Variants in DMXL1 observed in about 807,000 individuals in gnomAD.
DMXL1 encodes the protein Dmx like 1, also known as dmX-like protein 1.
DMXL1 carries 99 observed loss-of-function variants against 319.2 expected under a neutral mutation model. The observed-to-expected ratio is 0.31, with a 90% CI of 0.26 to 0.37. The LOEUF is 0.37. Ranked by LOEUF, DMXL1 falls within the 10% of genes least tolerant of loss-of-function variation. The pLI is 1.00. For synonymous variants in DMXL1, 1,385 were observed against 1,235.2 expected (o/e 1.12, Z -2.54); for missense variants, 3,745 against 3,595.6 (o/e 1.04, Z -1.06).
intron 38 of DMXL1, among the ~76,000 whole-genome samples, chr5:119,231,623 A>T (rs1786744087): frequency 6.6e-6 from 1 of 152,228 alleles, no homozygotes; most frequent in Non-Finnish European, 1.5e-5. Flanking sequence ...TACATTAAAA[A>T]TTTAATGAGT....
At chr5:119,169,102 C>T (rs1261691266) in intron 23 of DMXL1, among the ~76,000 whole-genome samples, 21 of 152,014 alleles carry the variant, frequency 1.4e-4, no homozygotes, top group Admixed American at 1.3e-3. Flanking sequence ...TGGGGTTTCA[C>T]CATGTTGCCC....
chr5:119,202,757 A>G (rs897256584), intron 32 of DMXL1, among the ~76,000 whole-genome samples: 18 of 151,134 alleles, frequency 1.2e-4, no homozygotes, highest in Admixed American at 2.0e-4. Flanking sequence ...AGGCTGAGGC[A>G]GGAGAATCGC....
intron 13 of DMXL1, among the ~76,000 whole-genome samples, chr5:119,139,934 C>A (rs907927033): frequency 6.6e-6 from 1 of 152,158 alleles, no homozygotes; most frequent in Non-Finnish European, 1.5e-5. Flanking sequence ...TGTTGGACCA[C>A]AGTGCAATAA....
chr5:119,132,416 C>G (rs1373600184), intron 10 of DMXL1, among the ~76,000 whole-genome samples: 1 of 152,142 alleles, frequency 6.6e-6, no homozygotes, highest in Non-Finnish European at 1.5e-5. Flanking sequence ...CACAGTGGCT[C>G]ACGCCTGTAA....
At chr5:119,128,217 C>A in intron 9 of DMXL1, 1 of 406,562 alleles carries the variant, frequency 2.5e-6, no homozygotes. Context: ...AATCTGGATA[C>A]TCTGGAGAAT....
At chr5:119,233,171 A>G (rs1787100394) in intron 38 of DMXL1, among the ~76,000 whole-genome samples, 169 bp from the exon 39 acceptor site, 2 of 152,214 alleles carry the variant, frequency 1.3e-5, no homozygotes, top group South Asian at 4.1e-4. Flanking sequence ...AGTGTATTGT[A>G]TAACTATTTT....
At chr5:119,244,749 T>A (rs1321946840) in intron 43 of DMXL1, among the ~76,000 whole-genome samples, 173 bp downstream of exon 43, 1 of 152,206 alleles carries the variant, frequency 6.6e-6, no homozygotes, top group African/African-American at 2.4e-5. Context: ...AACTTGAAAA[T>A]TTTCTATTTT....
chr5:119,107,313 C>T (rs971451442), intron 4 of DMXL1, among the ~76,000 whole-genome samples: 1 of 151,622 alleles, frequency 6.6e-6, no homozygotes, highest in African/African-American at 2.4e-5. Context: ...TGCTTTCTAG[C>T]CTGGGTGACA....
intron 1 of DMXL1, among the ~76,000 whole-genome samples, chr5:119,084,924 A>G (rs963215621): frequency 2.0e-5 from 3 of 151,942 alleles, no homozygotes; most frequent in East Asian, 1.9e-4. Flanking sequence ...AACAATATTA[A>G]TTCTTCCAAT....
chr5:119,071,410 C>T lies in DMXL1; in HGVS notation c.-160C>T, dbSNP rs530978070. 3 of 682,244 alleles carry T rather than the reference C, an allele frequency of 4.4e-6. No homozygotes were observed. Among genetic ancestry groups the T allele is most frequent in the East Asian group, 3.1e-5 (1 of 32,022 alleles). The allele number at this position is 682,244 out of a possible 1,614,324, so 42.3% of individuals were successfully genotyped here. A position where few individuals can be genotyped will look rare whatever the true frequency, so the allele number is the denominator to read the frequency against. On this transcript the variant is annotated 5_prime_UTR_variant, in exon 1 of 44. Transcript: ENST00000539542. Reference sequence around the variant, plus strand: ...GCCCTCCGGGGCTCGGGATGAGTCGCGGGCCCCAGCTGAGCGGCTCCGGCT... The same window carrying T: ...GCCCTCCGGGGCTCGGGATGAGTCGTGGGCCCCAGCTGAGCGGCTCCGGCT...
intron 9 of DMXL1, among the ~76,000 whole-genome samples, chr5:119,123,936 C>T (rs1489398947): frequency 6.7e-6 from 1 of 150,044 alleles, no homozygotes; most frequent in African/African-American, 2.5e-5. Context: ...TTTTTGCTTA[C>T]TTCTACTAAT....
chr5:119,119,024 T>G lies in DMXL1; in HGVS notation c.933+20T>G, dbSNP rs1242013582. On this transcript the variant is annotated intron_variant, in intron 8 of 43. Coordinates refer to ENST00000539542, the MANE Select transcript of DMXL1 (RefSeq NM_001290321.3). ...TTAGAAGTGAGTGTTTTTGTTACAT[T>G]ACTTACTACAAGTTTTAAAACCTTT... The G allele has an allele frequency of 1.3e-6, 2 of 1,561,374 alleles. No individual in the cohort carries two copies. Among genetic ancestry groups the G allele is most frequent in the African/African-American group, 1.4e-5 (1 of 73,086 alleles).
chr5:119,191,798 C>T (rs1778739166), intron 29 of DMXL1, among the ~76,000 whole-genome samples: 1 of 152,170 alleles, frequency 6.6e-6, no homozygotes, highest in African/African-American at 2.4e-5. Flanking sequence ...TCCCTGCTGA[C>T]CCTGGTGGAA....
intron 41 of DMXL1, 71 bp downstream of exon 41, chr5:119,239,151 G>C (rs1274523969): frequency 6.7e-7 from 1 of 1,494,970 alleles, no homozygotes; most frequent in African/African-American, 1.4e-5. Context: ...TTCTGTCCTT[G>C]TGTTTGACTA....
intron 41 of DMXL1, among the ~76,000 whole-genome samples, chr5:119,239,508 CT>C: frequency 6.6e-6 from 1 of 152,170 alleles, no homozygotes; most frequent in African/African-American, 2.4e-5. Context: ...AATTCAGCAT[CT>C]CTCCTGTTAA....
intron 19 of DMXL1, among the ~76,000 whole-genome samples, chr5:119,153,774 A>G (rs1770361994): frequency 6.6e-6 from 1 of 152,238 alleles, no homozygotes; most frequent in African/African-American, 2.4e-5. Flanking sequence ...CTGGTACTCC[A>G]GTGTATATAC....
intron 32 of DMXL1, among the ~76,000 whole-genome samples, chr5:119,199,686 G>A (rs1371867313): frequency 6.6e-6 from 1 of 152,166 alleles, no homozygotes; most frequent in African/African-American, 2.4e-5. Context: ...CCCACTGACA[G>A]TGCGTAAGTG....
chr5:119,197,238 T>A (rs1057069361), intron 31 of DMXL1, among the ~76,000 whole-genome samples: 3 of 152,206 alleles, frequency 2.0e-5, no homozygotes, highest in African/African-American at 7.2e-5. Context: ...GTCCAATCTT[T>A]TGGCTTCCCT....
intron 2 of DMXL1, among the ~76,000 whole-genome samples, chr5:119,099,056 C>T (rs996192403): frequency 6.6e-6 from 1 of 152,082 alleles, no homozygotes; most frequent in South Asian, 2.1e-4. Context: ...CTTTTTGTTA[C>T]ATGGTATTCC....
Sources: gnomAD v4.1 joint callset for allele counts (sites outside exome capture counted in the v4.1 genomes callset) on GRCh38, gnomAD v4.1.1 for gene constraint, MANE v1.5 for transcripts, NCBI Gene and HGNC (gene_info 2026-07-23, HGNC 2026-07-21) for gene names.